The following RNF150 variants were observed in gnomAD, a reference collection of about 807,000 sequenced individuals.
The protein encoded by RNF150 is ring finger protein 150.
A neutral mutation model predicts 39.3 loss-of-function variants in RNF150; 24 were observed. The observed-to-expected ratio is 0.61, with a 90% CI of 0.44 to 0.86. The LOEUF is 0.86. Ranked by LOEUF, RNF150 falls within the 40% of genes least tolerant of loss-of-function variation. RNF150 has a pLI of 0.00. For synonymous variants in RNF150, 255 were observed against 227.3 expected (o/e 1.12, Z -1.10); for missense variants, 502 against 587.8 (o/e 0.85, Z 1.51).
intron 1 of RNF150, among the ~76,000 whole-genome samples, chr4:141,174,742 CAA>C (rs1727780760): frequency 1.3e-5 from 2 of 152,100 alleles, no homozygotes; most frequent in South Asian, 4.1e-4. Context: ...CTGTCTGTAG[CAA>C]AGTCTCACTC....
At chr4:141,200,434 C>T (rs925694538) in intron 1 of RNF150, among the ~76,000 whole-genome samples, 1 of 151,978 alleles carries the variant, frequency 6.6e-6, no homozygotes, top group Non-Finnish European at 1.5e-5. Flanking sequence ...CCTCCTAATA[C>T]TATCACATTG....
At chr4:141,153,081 T>C (rs1197480302) in intron 1 of RNF150, among the ~76,000 whole-genome samples, 1 of 152,182 alleles carries the variant, frequency 6.6e-6, no homozygotes, top group African/African-American at 2.4e-5. Flanking sequence ...AATTTTTTTC[T>C]TCTCCTGTCT....
chr4:141,209,305 G>A (rs533134689), intron 1 of RNF150, among the ~76,000 whole-genome samples: 1 of 152,108 alleles, frequency 6.6e-6, no homozygotes, highest in Non-Finnish European at 1.5e-5. Flanking sequence ...ATATGTACAT[G>A]CTATTCTATT....
intron 4 of RNF150, among the ~76,000 whole-genome samples, chr4:140,926,513 G>T (rs1320428733): frequency 6.6e-6 from 1 of 152,102 alleles, no homozygotes. Flanking sequence ...TAATATTTGG[G>T]ATCTAACACA....
intron 5 of RNF150, among the ~76,000 whole-genome samples, chr4:140,915,079 C>T (rs878892752): frequency 2.0e-5 from 3 of 152,136 alleles, no homozygotes; most frequent in East Asian, 1.9e-4. Context: ...TTCATAAATA[C>T]GATTGTGTAA....
At chr4:141,187,617 G>A (rs1204302264) in intron 1 of RNF150, among the ~76,000 whole-genome samples, 1 of 152,118 alleles carries the variant, frequency 6.6e-6, no homozygotes, top group Non-Finnish European at 1.5e-5. Flanking sequence ...GCCCTTCTTT[G>A]TCTTTTTTGA....
intron 1 of RNF150, among the ~76,000 whole-genome samples, chr4:141,114,848 T>A (rs1739498624): frequency 6.6e-6 from 1 of 152,130 alleles, no homozygotes; most frequent in Non-Finnish European, 1.5e-5. Flanking sequence ...CATATGCAAA[T>A]CAATAAGTGT....
chr4:140,947,610 CCA>C (rs1257766613), intron 4 of RNF150, 42 bp downstream of exon 4: 15 of 1,473,682 alleles, frequency 1.0e-5, no homozygotes, highest in Non-Finnish European at 1.2e-5. Flanking sequence ...CAGGCACGCT[CCA>C]CACACACAAC....
intron 1 of RNF150, among the ~76,000 whole-genome samples, chr4:141,079,657 T>C (rs1738074776): frequency 6.6e-6 from 1 of 152,240 alleles, no homozygotes. Context: ...GAAGAATGAT[T>C]TGGAGGGAGG....
At chr4:140,920,480 C>A (rs1706154799) in intron 5 of RNF150, among the ~76,000 whole-genome samples, 3 of 123,630 alleles carry the variant, frequency 2.4e-5, no homozygotes, top group African/African-American at 2.9e-5. Context: ...ATCAAAACCA[C>A]AATGAGATAC....
intron 1 of RNF150, among the ~76,000 whole-genome samples, chr4:141,025,767 T>C (rs753239079): frequency 9.2e-5 from 14 of 152,166 alleles, no homozygotes; most frequent in Admixed American, 2.6e-4. Flanking sequence ...TAAGTTAAAA[T>C]TTTAAGGGTC....
At chr4:141,126,645 C>T (rs1726762820) in intron 1 of RNF150, among the ~76,000 whole-genome samples, 1 of 152,112 alleles carries the variant, frequency 6.6e-6, no homozygotes, top group Admixed American at 6.5e-5. Flanking sequence ...AACAGTCAGC[C>T]ACTGCTCACC....
chr4:141,126,293 C>G (rs1316497917), intron 1 of RNF150, among the ~76,000 whole-genome samples: 1 of 152,146 alleles, frequency 6.6e-6, no homozygotes, highest in Non-Finnish European at 1.5e-5. Context: ...CTTGGGAAGG[C>G]CCTTAAAGCT....
In RNF150 at chr4:140,867,673, C is replaced by T. The variant is rs1348805727; in HGVS notation, c.*588G>A. On this transcript the variant is annotated 3_prime_UTR_variant, in exon 7 of 7. Transcript: ENST00000515673. Reference sequence around the variant, plus strand: ...ACTTAGATTCTTAATGAAAGCTGGCCTTAGTCCATTTCAGGGTGCTGAGGC... The same window carrying T: ...ACTTAGATTCTTAATGAAAGCTGGCTTTAGTCCATTTCAGGGTGCTGAGGC... 2.0e-5 allele frequency: 3 copies of T among 152,236 alleles called. No individual in the cohort carries two copies. The highest frequency in any genetic ancestry group is 7.2e-5 in the African/African-American group (3 of 41,422). 9.4% of individuals were successfully genotyped at this position (152,236 alleles called of 1,614,324 possible). A position where few individuals can be genotyped will look rare whatever the true frequency, so the allele number is the denominator to read the frequency against.
At position 141,132,992 on chromosome 4, in the gene RNF150, T is replaced by C; in HGVS notation, c.-184A>G. 1 of 547,148 alleles carries C rather than the reference T, an allele frequency of 1.8e-6. No individual in the cohort carries two copies. The highest frequency in any genetic ancestry group is 4.9e-4 in the Middle Eastern group (1 of 2,058). 33.9% of individuals were successfully genotyped at this position (547,148 alleles called of 1,614,324 possible). ...CGGATTCCGGGCGAGCGGATGGCGC[T>C]GGCCCCTTCCCCTCTCAGCTGTAGC... is the stretch of plus-strand genomic sequence containing the variant. On this transcript the variant is annotated 5_prime_UTR_variant, in exon 1 of 7. Coordinates refer to ENST00000515673, the MANE Select transcript of RNF150 (RefSeq NM_020724.2). This position sits in a 1 kb window ranked among gnomAD's most constrained non-coding sequence, Gnocchi z 4.9.
At chr4:141,004,779 C>T (rs1034253780) in intron 1 of RNF150, among the ~76,000 whole-genome samples, 22 of 152,096 alleles carry the variant, frequency 1.4e-4, no homozygotes, top group African/African-American at 5.3e-4. Flanking sequence ...ACCATTAATC[C>T]TGGTTGTCAC....
intron 1 of RNF150, among the ~76,000 whole-genome samples, chr4:141,012,606 A>G (rs532427076): frequency 1.3e-5 from 2 of 151,788 alleles, no homozygotes; most frequent in Non-Finnish European, 2.9e-5. Flanking sequence ...TGAGGTCAAG[A>G]GATTGAGACC....
chr4:141,064,419 A>C (rs1212286483), intron 1 of RNF150, among the ~76,000 whole-genome samples: 2 of 152,138 alleles, frequency 1.3e-5, no homozygotes, highest in Non-Finnish European at 2.9e-5. Flanking sequence ...AATGCCTTGA[A>C]CACCGCTTGG....
intron 1 of RNF150, among the ~76,000 whole-genome samples, chr4:141,140,064 T>TA (rs1727093062): frequency 6.6e-6 from 1 of 152,180 alleles, no homozygotes; most frequent in South Asian, 2.1e-4. Context: ...GGCCAGGTAC[T>TA]TGCTGTACGG....
Sources: gnomAD v4.1 joint callset for allele counts (sites outside exome capture counted in the v4.1 genomes callset) on GRCh38, gnomAD v4.1.1 for gene constraint, Gnocchi (gnomAD v3.1) non-coding constraint, MANE v1.5 for transcripts, NCBI Gene and HGNC (gene_info 2026-07-23, HGNC 2026-07-21) for gene names.